Variants in MTUS2 observed in about 807,000 individuals in gnomAD.
MTUS2 encodes microtubule-associated tumor suppressor candidate 2.
A neutral mutation model predicts 114.1 loss-of-function variants in MTUS2; 40 were observed. The ratio of observed to expected loss-of-function variants is 0.35; its 90% CI spans 0.27 to 0.46. The LOEUF (loss-of-function observed/expected upper bound fraction) is 0.46. Among genes scored for constraint, MTUS2 ranks in the 20% least tolerant of loss-of-function variants. The probability of loss-of-function intolerance (pLI) is 1.00; values close to 1 mark genes in which losing one functional copy is unlikely to be tolerated. For synonymous variants in MTUS2, 688 were observed against 672.0 expected, an observed-to-expected ratio of 1.02 and a Z score of -0.37; for missense variants, 1,679 against 1,705.4, an observed-to-expected ratio of 0.98 and a Z score of 0.27.
intron 2 of MTUS2, among the ~76,000 whole-genome samples, chr13:28,972,970 T>C (rs1241374165): frequency 6.6e-6 from 1 of 152,176 alleles, no homozygotes; most frequent in Non-Finnish European, 1.5e-5. Flanking sequence ...AACATTTCCT[T>C]GCATGATTTT....
chr13:29,287,010 A>G (rs1411988801), intron 6 of MTUS2, among the ~76,000 whole-genome samples: 1 of 152,074 alleles, frequency 6.6e-6, no homozygotes, highest in Non-Finnish European at 1.5e-5. Context: ...ATTTTCTTCC[A>G]CTTTGTATTA....
intron 5 of MTUS2, among the ~76,000 whole-genome samples, chr13:29,189,820 GATGAAT>G (rs1894373873): frequency 6.6e-6 from 1 of 152,118 alleles, no homozygotes; most frequent in Non-Finnish European, 1.5e-5. Context: ...CATTGTTATG[GATGAAT>G]ATGTGTCCCT....
intron 8 of MTUS2, among the ~76,000 whole-genome samples, chr13:29,421,925 T>A (rs1217710245): frequency 2.0e-5 from 3 of 152,218 alleles, no homozygotes; most frequent in Admixed American, 6.5e-5. Flanking sequence ...GAAACAGAAC[T>A]AATAAAATTG....
intron 6 of MTUS2, among the ~76,000 whole-genome samples, chr13:29,296,335 G>T (rs1222101177): frequency 6.6e-6 from 1 of 151,938 alleles, no homozygotes; most frequent in East Asian, 1.9e-4. Flanking sequence ...CACCTGAGTG[G>T]TTGGGATTAC....
In MTUS2 at chr13:29,358,833, G is replaced by A. The variant is rs118035643; in HGVS notation, c.2906-429G>A. Among the ~76,000 whole-genome samples the A allele has an allele frequency of 5.2e-3, 792 of 152,054 alleles. 4 individuals are homozygous for A. The highest frequency in any genetic ancestry group is 6.1e-3 in the Non-Finnish European group (414 of 67,980). On this transcript the variant is annotated intron_variant, in intron 7 of 15. Transcript: ENST00000612955. ...GAGCAGCCTCTACGGCGAAGAAAGG[G>A]GCATCGAGGTGTTATTCTCTGGTGC...
chr13:28,898,358 C>G (rs1879415582), intron 2 of MTUS2, among the ~76,000 whole-genome samples: 1 of 152,142 alleles, frequency 6.6e-6, no homozygotes, highest in South Asian at 2.1e-4. Flanking sequence ...CTATCACAAC[C>G]TAAAAACCTT....
At position 28,874,104 on chromosome 13, in the gene MTUS2, C is replaced by T. The variant is rs535082467; in HGVS notation, c.-243+34254C>T. 1.6e-4 allele frequency among the ~76,000 whole-genome samples: 25 copies of T among 152,184 alleles called. No homozygotes were observed. In the East Asian group the frequency reaches 1.7e-3, roughly 11 times the overall value. On this transcript the variant is annotated intron_variant, in intron 2 of 15. Transcript: ENST00000612955. ...TGCAATCTCAGCTCACTGCAACCTC[C>T]GCCTCCTGGGTTCAAGCAATTCTCT...
intron 8 of MTUS2, among the ~76,000 whole-genome samples, chr13:29,412,956 G>A (rs1875374607): frequency 6.6e-6 from 1 of 152,126 alleles, no homozygotes. Flanking sequence ...TCATGGCCCA[G>A]TTCCATCTTA....
intron 2 of MTUS2, among the ~76,000 whole-genome samples, chr13:28,983,480 T>C (rs1430938302): frequency 6.6e-6 from 1 of 152,234 alleles, no homozygotes; most frequent in African/African-American, 2.4e-5. Flanking sequence ...AATACCTTGT[T>C]AATAATTTTA....
chr13:29,192,400 G>A (rs1224219840), intron 5 of MTUS2, among the ~76,000 whole-genome samples: 1 of 152,172 alleles, frequency 6.6e-6, no homozygotes, highest in African/African-American at 2.4e-5. Flanking sequence ...AGAAGAGTTG[G>A]TGAAAGAGAA....
At chr13:29,071,275 C>T (rs867771440) in intron 4 of MTUS2, among the ~76,000 whole-genome samples, 1 of 151,682 alleles carries the variant, frequency 6.6e-6, no homozygotes, top group Non-Finnish European at 1.5e-5. Flanking sequence ...GCTGGGATTA[C>T]AGGTGTGAGC....
intron 2 of MTUS2, among the ~76,000 whole-genome samples, chr13:29,023,450 C>T (rs1292187918): frequency 1.3e-5 from 2 of 152,192 alleles, no homozygotes; most frequent in Admixed American, 6.5e-5. Flanking sequence ...TACTCTTTCT[C>T]CTTCTCATAT....
intron 6 of MTUS2, among the ~76,000 whole-genome samples, chr13:29,302,822 T>A (rs1899265470): frequency 6.6e-6 from 1 of 152,200 alleles, no homozygotes; most frequent in Non-Finnish European, 1.5e-5. Flanking sequence ...CTTCTTTGGG[T>A]GGATCCCTGA....
At chr13:29,330,650 T>C (rs1226963956) in intron 7 of MTUS2, among the ~76,000 whole-genome samples, 1 of 152,220 alleles carries the variant, frequency 6.6e-6, no homozygotes, top group Non-Finnish European at 1.5e-5. Flanking sequence ...GTTTTCTGCA[T>C]ATGGCGAGCC....
intron 6 of MTUS2, among the ~76,000 whole-genome samples, chr13:29,302,871 G>T (rs1311075155): frequency 2.6e-5 from 4 of 152,218 alleles, no homozygotes; most frequent in Non-Finnish European, 5.9e-5. Context: ...CCCAACTGGG[G>T]TCTCTGGCCA....
chr13:28,888,332 A>G (rs1878709625), intron 2 of MTUS2, among the ~76,000 whole-genome samples: 1 of 152,160 alleles, frequency 6.6e-6, no homozygotes, highest in African/African-American at 2.4e-5. Flanking sequence ...CAGTGAAAGT[A>G]GAGAGAACAG....
At chr13:28,922,858 T>C (rs986247260) in intron 2 of MTUS2, among the ~76,000 whole-genome samples, 9 of 152,234 alleles carry the variant, frequency 5.9e-5, no homozygotes, top group African/African-American at 2.2e-4. Flanking sequence ...ATGGTGTTTC[T>C]GTTGGGGGAA....
At chr13:29,415,050 CAA>C (rs1460195399) in intron 8 of MTUS2, among the ~76,000 whole-genome samples, 1 of 150,492 alleles carries the variant, frequency 6.6e-6, no homozygotes, top group Non-Finnish European at 1.5e-5. Flanking sequence ...CCCTTTCACT[CAA>C]GAGTTGTTTA....
chr13:29,042,750 A>G (rs959871784), intron 4 of MTUS2, among the ~76,000 whole-genome samples: 1 of 152,072 alleles, frequency 6.6e-6, no homozygotes, highest in African/African-American at 2.4e-5. Flanking sequence ...TACTATGTGC[A>G]TGCAAAGGTG....
Sources: allele counts gnomAD v4.1 joint callset (sites outside exome capture counted in the v4.1 genomes callset), GRCh38; gene constraint gnomAD v4.1.1; transcripts MANE v1.5; gene names NCBI Gene and HGNC (gene_info 2026-07-23, HGNC 2026-07-21).